The following SUGCT variants were observed in gnomAD, a reference collection of about 807,000 sequenced individuals.
SUGCT encodes the protein succinyl-CoA:glutarate CoA-transferase.
Under a neutral mutation model 55.0 loss-of-function variants are expected in SUGCT, and 41 were observed. The observed-to-expected ratio is 0.74, with a 90% CI of 0.58 to 0.97. The LOEUF is 0.97. Ranked by LOEUF, SUGCT falls within the 50% of genes least tolerant of loss-of-function variation. SUGCT has a pLI of 0.00. For synonymous variants in SUGCT, 187 were observed against 200.4 expected (o/e 0.93, Z 0.56); for missense variants, 568 against 547.8 (o/e 1.04, Z -0.37).
rs146277118 is a variant in SUGCT at position 40,139,909 on chromosome 7, C to A, written c.100+4789C>A. Among the ~76,000 whole-genome samples, 177 of 148,334 alleles carry A rather than the reference C, an allele frequency of 1.2e-3. 1 individual carries two copies. The highest frequency in any genetic ancestry group is 4.1e-3 in the African/African-American group (168 of 40,526). On this transcript the variant is annotated intron_variant, in intron 1 of 13. Transcript: ENST00000335693. ...CCATCTTGAATTTATTTTTTTCTTT[C>A]TTTTTTTTTTAAGATGGAGTTTCGC...
chr7:40,359,479 A>G (rs1436312607), intron 9 of SUGCT, among the ~76,000 whole-genome samples: 1 of 152,186 alleles, frequency 6.6e-6, no homozygotes, highest in Admixed American at 6.5e-5. Flanking sequence ...TGCTGGGATT[A>G]CAGGCGTGAG....
intron 12 of SUGCT, among the ~76,000 whole-genome samples, chr7:40,517,195 C>T (rs980579578): frequency 2.0e-5 from 3 of 148,508 alleles, no homozygotes; most frequent in African/African-American, 7.4e-5. Context: ...ATCTTTCTAT[C>T]ATGCTAAACT....
At chr7:40,970,021 A>C in the SUGCT span, among the ~76,000 whole-genome samples, 1 of 152,218 alleles carries the variant, frequency 6.6e-6, no homozygotes, top group Non-Finnish European at 1.5e-5. Flanking sequence ...CATTCTTTGC[A>C]GGTAAAAATC....
chr7:40,817,313 G>A (rs1006869999), intron 13 of SUGCT, among the ~76,000 whole-genome samples: 11 of 152,104 alleles, frequency 7.2e-5, no homozygotes, highest in African/African-American at 2.7e-4. Flanking sequence ...CTTTGAAAGA[G>A]GTATTCAGTA....
chr7:40,339,443 T>A (rs1304051104), intron 9 of SUGCT, among the ~76,000 whole-genome samples: 1 of 151,984 alleles, frequency 6.6e-6, no homozygotes, highest in Non-Finnish European at 1.5e-5. Flanking sequence ...GCCTCAGCAA[T>A]GGTGGGCGCC....
the SUGCT span, among the ~76,000 whole-genome samples, chr7:40,866,759 C>T: frequency 6.6e-6 from 1 of 151,992 alleles, no homozygotes; most frequent in African/African-American, 2.4e-5. Flanking sequence ...GGGAAAACTC[C>T]AGTGAAAGGA....
intron 6 of SUGCT, among the ~76,000 whole-genome samples, chr7:40,212,598 G>A (rs1787405291): frequency 6.6e-6 from 1 of 151,946 alleles, no homozygotes; most frequent in Non-Finnish European, 1.5e-5. Context: ...GCAGTGGCGC[G>A]ATCTCAGCTC....
intron 12 of SUGCT, among the ~76,000 whole-genome samples, chr7:40,747,069 G>A (rs1416917769): frequency 6.6e-6 from 1 of 152,164 alleles, no homozygotes; most frequent in Non-Finnish European, 1.5e-5. Flanking sequence ...TGCGGGGCGG[G>A]TGCTGAGAAC....
intron 13 of SUGCT, among the ~76,000 whole-genome samples, chr7:40,837,429 T>A (rs535964235): frequency 1.3e-5 from 2 of 152,152 alleles, no homozygotes; most frequent in Non-Finnish European, 2.9e-5. Flanking sequence ...TAGTTTCCAT[T>A]CTGATGAGGT....
Position 40,316,765 on chromosome 7 carries a change from G to A in SUGCT, c.726G>A (p.Ala242=), listed in dbSNP as rs1234027539. Residue 242 remains alanine (A), a synonymous_variant, in exon 9 of 14, where the codon GCG becomes GCA. Coordinates refer to ENST00000335693, the MANE Select transcript of SUGCT (RefSeq NM_001193313.2). The part of the protein sequence containing the change: ...IDCNLLSSQV[A]CLSHIAANYL... ...TTTACTTTTTTTCCTGGTAGGTGGC[G>A]TGTTTGTCTCACATAGCTGCAAATT... is the stretch of plus-strand genomic sequence containing the variant. 38 of 1,592,870 alleles carry A rather than the reference G, an allele frequency of 2.4e-5. No individual in the cohort carries two copies. The Admixed American group carries it at 5.0e-4, about 21-fold the overall frequency.
At chr7:40,461,153 TATTG>T (rs1339545808) in intron 11 of SUGCT, among the ~76,000 whole-genome samples, 1 of 152,218 alleles carries the variant, frequency 6.6e-6, no homozygotes, top group Non-Finnish European at 1.5e-5. Context: ...AGAATTAGAA[TATTG>T]ATTCATTCCA....
At chr7:40,448,244 C>CCCTCCCTCCCTG (rs1421691982) in intron 9 of SUGCT, among the ~76,000 whole-genome samples, 2 of 137,986 alleles carry the variant, frequency 1.4e-5, no homozygotes, top group Admixed American at 1.5e-4. Flanking sequence ...CTCCCTCCCT[C>CCCTCCCTCCCTG]CCTTCCTTCC....
intron 13 of SUGCT, among the ~76,000 whole-genome samples, chr7:40,773,892 T>G (rs1314221932): frequency 1.3e-5 from 2 of 152,168 alleles, no homozygotes; most frequent in East Asian, 3.9e-4. Flanking sequence ...GGTGCTCACT[T>G]CCTAGGTTAA....
At chr7:40,151,617 G>T in intron 1 of SUGCT, 1 of 228,210 alleles carries the variant, frequency 4.4e-6, no homozygotes. Context: ...CTGCCAACAT[G>T]TCTGACATTC....
chr7:40,800,883 A>T (rs1790784434), intron 13 of SUGCT, among the ~76,000 whole-genome samples: 1 of 152,176 alleles, frequency 6.6e-6, no homozygotes, highest in Non-Finnish European at 1.5e-5. Flanking sequence ...TAGCCCTATG[A>T]GGTAGTAGCT....
chr7:40,898,484 G>GGT, the SUGCT span, among the ~76,000 whole-genome samples: 1 of 106,142 alleles, frequency 9.4e-6, no homozygotes, highest in South Asian at 5.3e-4. Flanking sequence ...GGAGGTCGGG[G>GGT]GGGGGGGGGG....
chr7:40,412,578 C>T (rs972362820), intron 9 of SUGCT, among the ~76,000 whole-genome samples: 1 of 152,102 alleles, frequency 6.6e-6, no homozygotes, highest in Non-Finnish European at 1.5e-5. Flanking sequence ...TATTAAAATA[C>T]ATTATTTATA....
intron 9 of SUGCT, among the ~76,000 whole-genome samples, chr7:40,337,617 C>G (rs527268950): frequency 1.3e-5 from 2 of 152,132 alleles, no homozygotes; most frequent in Non-Finnish European, 1.5e-5. Context: ...CATCCTCCAT[C>G]CCTTTGTTTT....
intron 13 of SUGCT, among the ~76,000 whole-genome samples, chr7:40,804,210 AT>A (rs1182283477): frequency 6.6e-6 from 1 of 152,200 alleles, no homozygotes; most frequent in Non-Finnish European, 1.5e-5. Flanking sequence ...TAAATATAAC[AT>A]TGGGCATAAA....
Sources: allele counts gnomAD v4.1 joint callset (sites outside exome capture counted in the v4.1 genomes callset), GRCh38; gene constraint gnomAD v4.1.1; transcripts MANE v1.5; gene names NCBI Gene and HGNC (gene_info 2026-07-23, HGNC 2026-07-21).